The following FBN2 variants were observed in gnomAD, a reference collection of about 807,000 sequenced individuals.
The protein encoded by FBN2 is fibrillin-2.
Under a neutral mutation model 355.6 loss-of-function variants are expected in FBN2, and 105 were observed. That is an observed-to-expected ratio of 0.30 (90% CI 0.25 to 0.35). The LOEUF (loss-of-function observed/expected upper bound fraction) is 0.35. Ranked by LOEUF, FBN2 falls within the 10% of genes least tolerant of loss-of-function variation. The probability of loss-of-function intolerance (pLI) is 1.00; values close to 1 mark genes in which losing one functional copy is unlikely to be tolerated. For synonymous variants in FBN2, 1,350 were observed against 1,301.2 expected, an observed-to-expected ratio of 1.04 and a Z score of -0.81; for missense variants, 3,280 against 3,758.7, an observed-to-expected ratio of 0.87 and a Z score of 3.33.
At chr5:128,359,700 C>T (rs1323756756) in intron 19 of FBN2, among the ~76,000 whole-genome samples, 1 of 151,996 alleles carries the variant, frequency 6.6e-6, no homozygotes, top group Non-Finnish European at 1.5e-5. Flanking sequence ...AAGTGAAGAT[C>T]ACTGTTTCTA....
chr5:128,337,851 C>T, intron 27 of FBN2, 146 bp downstream of exon 27: 1 of 842,022 alleles, frequency 1.2e-6, no homozygotes, highest in Non-Finnish European at 1.9e-6. Context: ...AAAGACACAG[C>T]CTGCATCCAG....
At chr5:128,470,957 C>T (rs753925856) in intron 5 of FBN2, among the ~76,000 whole-genome samples, 64 of 152,130 alleles carry the variant, frequency 4.2e-4, no homozygotes, top group Non-Finnish European at 7.5e-4. Flanking sequence ...AGTCAGATAA[C>T]GCCATAAGGT....
intron 6 of FBN2, among the ~76,000 whole-genome samples, chr5:128,458,236 T>C (rs997937962): frequency 2.0e-5 from 3 of 151,930 alleles, no homozygotes; most frequent in South Asian, 2.1e-4. Flanking sequence ...CATTACGTAA[T>C]GGTAAAGGGA....
intron 4 of FBN2, among the ~76,000 whole-genome samples, chr5:128,524,434 T>C (rs1756513267): frequency 6.6e-6 from 1 of 152,212 alleles, no homozygotes; most frequent in South Asian, 2.1e-4. Flanking sequence ...TACCAGAATA[T>C]GTGGCCAGGG....
At chr5:128,325,381 G>GATCTCT (rs1468472889) in intron 34 of FBN2, among the ~76,000 whole-genome samples, 1 of 152,168 alleles carries the variant, frequency 6.6e-6, no homozygotes, top group Non-Finnish European at 1.5e-5. Flanking sequence ...TGTCTCTTTT[G>GATCTCT]ATCTCTGTTG....
intron 6 of FBN2, among the ~76,000 whole-genome samples, chr5:128,460,797 C>T (rs1405461759): frequency 1.3e-5 from 2 of 152,180 alleles, no homozygotes; most frequent in African/African-American, 4.8e-5. Context: ...GGAAAACTGG[C>T]TAGCCATATG....
intron 5 of FBN2, among the ~76,000 whole-genome samples, chr5:128,506,558 T>C (rs1232315292): frequency 6.6e-6 from 1 of 152,126 alleles, no homozygotes; most frequent in African/African-American, 2.4e-5. Context: ...TTTTGTAAAG[T>C]CCATCGGATT....
chr5:128,494,799 T>C (rs964866257), intron 5 of FBN2, among the ~76,000 whole-genome samples: 1 of 152,084 alleles, frequency 6.6e-6, no homozygotes, highest in Non-Finnish European at 1.5e-5. Context: ...AATTAAACAA[T>C]AGTATCAAGA....
Position 128,357,389 on chromosome 5 carries a change from T to C in FBN2, c.2561A>G (p.Asn854Ser). 1 of 1,613,886 alleles carries C rather than the reference T, an allele frequency of 6.2e-7. No individual in the cohort carries two copies. Among genetic ancestry groups the C allele is most frequent in the Non-Finnish European group, 8.5e-7 (1 of 1,179,772 alleles). Residue 854 changes from asparagine (N) to serine (S), a missense_variant, in exon 20 of 65, where the codon AAT becomes AGT. By Grantham distance (46) the Asn-to-Ser change is conservative (BLOSUM62 1). Coordinates refer to ENST00000262464, the MANE Select transcript of FBN2 (RefSeq NM_001999.4). The part of the protein sequence containing the change: ...RTETETCEDI[N>S]ECESNPCVNG... The stretch of plus-strand genomic sequence containing the variant: ...GACACATGGGTTGCTTTCACATTCA[T>C]TTATATCTACAATCCAGAAGGAAAA...
At chr5:128,296,809 T>G (rs1749532138) in intron 48 of FBN2, among the ~76,000 whole-genome samples, 1 of 152,172 alleles carries the variant, frequency 6.6e-6, no homozygotes, top group Non-Finnish European at 1.5e-5. Flanking sequence ...CGTTAATTTT[T>G]TGAAGGGTTT....
chr5:128,526,998 T>C (rs561409785), intron 4 of FBN2, among the ~76,000 whole-genome samples: 3 of 152,196 alleles, frequency 2.0e-5, no homozygotes, highest in Non-Finnish European at 4.4e-5. Context: ...GGTTTTTCTA[T>C]GTTTAAAAAA....
chr5:128,416,043 TTA>T (rs1753187838), intron 7 of FBN2, among the ~76,000 whole-genome samples: 1 of 151,892 alleles, frequency 6.6e-6, no homozygotes, highest in Non-Finnish European at 1.5e-5. Context: ...TTTTTTTTTT[TTA>T]GACAGAGTTT....
intron 56 of FBN2, 146 bp downstream of exon 56, chr5:128,280,046 T>C (rs371180930): frequency 5.3e-5 from 35 of 666,224 alleles, no homozygotes; most frequent in African/African-American, 4.1e-4. Flanking sequence ...TTTTAATAGA[T>C]GTGCATCTTT....
At chr5:128,300,999 T>G in intron 47 of FBN2, 63 bp from the exon 48 acceptor site, 1 of 1,505,088 alleles carries the variant, frequency 6.6e-7, no homozygotes, top group Non-Finnish European at 9.2e-7. Context: ...TAGATTTATC[T>G]GTCTGCCAAA....
chr5:128,415,786 C>T (rs540883765), intron 7 of FBN2, among the ~76,000 whole-genome samples: 2 of 152,258 alleles, frequency 1.3e-5, no homozygotes, highest in Non-Finnish European at 2.9e-5. Context: ...TACTGTTTTC[C>T]ATATTGGTTG....
intron 19 of FBN2, among the ~76,000 whole-genome samples, chr5:128,361,081 T>G (rs1751627173): frequency 6.6e-6 from 1 of 152,208 alleles, no homozygotes; most frequent in Non-Finnish European, 1.5e-5. Context: ...TCACTGAAAA[T>G]GAGGACTTCT....
intron 48 of FBN2, among the ~76,000 whole-genome samples, chr5:128,292,725 C>T (rs1411081798): frequency 6.6e-6 from 1 of 152,158 alleles, no homozygotes; most frequent in Non-Finnish European, 1.5e-5. Flanking sequence ...CTCATGCTGC[C>T]TATGTTTCCA....
At chr5:128,494,537 T>C (rs957950528) in intron 5 of FBN2, among the ~76,000 whole-genome samples, 5 of 152,174 alleles carry the variant, frequency 3.3e-5, no homozygotes, top group African/African-American at 7.2e-5. Context: ...CCCCAGGGCA[T>C]TGTAAAAAAA....
At chr5:128,499,845 T>G (rs1283862862) in intron 5 of FBN2, among the ~76,000 whole-genome samples, 1 of 152,184 alleles carries the variant, frequency 6.6e-6, no homozygotes, top group Non-Finnish European at 1.5e-5. Flanking sequence ...GAATGTACTT[T>G]GTGTGCTATT....
Sources: allele counts gnomAD v4.1 joint callset (sites outside exome capture counted in the v4.1 genomes callset), GRCh38; gene constraint gnomAD v4.1.1; transcripts MANE v1.5; gene names NCBI Gene and HGNC (gene_info 2026-07-23, HGNC 2026-07-21).